The following CEP95 variants were observed in gnomAD, a reference collection of about 807,000 sequenced individuals.
CEP95 encodes the protein centrosomal protein of 95 kDa.
CEP95 carries 98 observed loss-of-function variants against 111.2 expected under a neutral mutation model. The ratio of observed to expected loss-of-function variants is 0.88; its 90% CI spans 0.75 to 1.04. The LOEUF is 1.04. CEP95 is among the 50% of genes least tolerant of loss of function. The pLI, the probability that CEP95 is intolerant of heterozygous loss-of-function variation, is 0.00. For synonymous variants in CEP95, 323 were observed against 327.1 expected, an observed-to-expected ratio of 0.99 and a Z score of 0.14; for missense variants, 1,027 against 977.2, an observed-to-expected ratio of 1.05 and a Z score of -0.68.
chr17:64,516,544 C>T (rs559882646), intron 4 of CEP95, among the ~76,000 whole-genome samples, 179 bp from the exon 5 acceptor site: 1 of 152,138 alleles, frequency 6.6e-6, no homozygotes, highest in Non-Finnish European at 1.5e-5. Context: ...CTTTGTTACT[C>T]GAATAATACA....
intron 14 of CEP95, 50 bp downstream of exon 14, chr17:64,532,072 C>T (rs781990482): frequency 6.7e-7 from 1 of 1,489,888 alleles, no homozygotes; most frequent in African/African-American, 1.4e-5. Context: ...CCTTTGAAAG[C>T]ATGTGCAACA....
At chr17:64,523,910 A>G (rs77806161) in intron 8 of CEP95, among the ~76,000 whole-genome samples, 7,513 of 152,308 alleles carry the variant, frequency 0.049, 293 homozygotes, top group Admixed American at 0.13. Flanking sequence ...AAAAAATAAA[A>G]TAAGAAAAAC....
At chr17:64,522,953 T>G in intron 8 of CEP95, 58 bp downstream of exon 8, 2 of 1,346,716 alleles carry the variant, frequency 1.5e-6, no homozygotes, top group Non-Finnish European at 2.1e-6. Context: ...TATGTCTGTG[T>G]GTGTGTTGGT....
intron 18 of CEP95, 109 bp from the exon 19 acceptor site, chr17:64,536,932 A>AT: frequency 8.1e-7 from 1 of 1,232,652 alleles, no homozygotes; most frequent in South Asian, 1.5e-5. Flanking sequence ...AGTACAGTAT[A>AT]TTTCCCTATT....
Position 64,516,764 on chromosome 17 carries a change from C to A in CEP95, c.409C>A (p.Arg137Ser). 6.2e-7 allele frequency: 1 copy of A among 1,612,412 alleles called. No individual in the cohort carries two copies. The highest frequency in any genetic ancestry group is 8.5e-7 in the Non-Finnish European group (1 of 1,178,672). ...QYFKESDRGERLEEPESTKES... is the reference protein window; with the variant it reads ...QYFKESDRGESLEEPESTKES... ...TTTTAAAGAATCTGATCGAGGAGAA[C>A]GTTTGGAAGAGCCAGAAAGTACTAA... is the stretch of plus-strand genomic sequence containing the variant. Residue 137 changes from arginine (R) to serine (S), a missense_variant, in exon 5 of 20, where the codon CGT (arginine) becomes AGT (serine). Coordinates refer to ENST00000556440, the MANE Select transcript of CEP95 (RefSeq NM_138363.3).
intron 5 of CEP95, among the ~76,000 whole-genome samples, chr17:64,519,015 CAAAAT>C (rs546248443): frequency 1.1e-3 from 172 of 152,184 alleles, no homozygotes; most frequent in African/African-American, 3.7e-3. Context: ...TTTAAAGTAA[CAAAAT>C]AAGCGCAAAA....
At chr17:64,532,738 A>G (rs1555680560) in intron 14 of CEP95, 101 bp from the exon 15 acceptor site, 1 of 1,475,858 alleles carries the variant, frequency 6.8e-7, no homozygotes, top group African/African-American at 1.4e-5. Flanking sequence ...TCTTTTCAGG[A>G]TCAAAACCAC....
intron 8 of CEP95, among the ~76,000 whole-genome samples, chr17:64,523,566 C>CAA (rs543447385): frequency 0.056 from 7,838 of 139,894 alleles, 329 homozygotes; most frequent in African/African-American, 0.13. Flanking sequence ...GACTTCATCT[C>CAA]AAAAAAAAAA....
chr17:64,507,529 C>T lies in CEP95; in HGVS notation c.19+413C>T, dbSNP rs1259042074. 17 of 1,110,514 alleles carry T rather than the reference C, an allele frequency of 1.5e-5. No individual in the cohort carries two copies. The Admixed American group carries it at 5.2e-4, about 34-fold the overall frequency. The allele number at this position is 1,110,514 out of a possible 1,614,324, so 68.8% of individuals were successfully genotyped here. A position where few individuals can be genotyped will look rare whatever the true frequency, so the allele number is the denominator to read the frequency against. ...ACAGCATTCTTAAGATTTATTATGC[C>T]CCTGCAGAATAGTAGAATATGCCCC... On this transcript the variant is annotated intron_variant, in intron 1 of 19. Transcript: ENST00000556440.
chr17:64,534,836 C>CA (rs1462749711), intron 17 of CEP95, 99 bp downstream of exon 17: 16 of 1,420,466 alleles, frequency 1.1e-5, no homozygotes, highest in African/African-American at 8.5e-5. Flanking sequence ...AATTTGAATC[C>CA]AAAATCTAAA....
intron 5 of CEP95, among the ~76,000 whole-genome samples, chr17:64,518,178 C>G (rs781803510): frequency 9.9e-5 from 15 of 152,194 alleles, no homozygotes; most frequent in Non-Finnish European, 2.1e-4. Flanking sequence ...CGCCCAGCCT[C>G]AAGTTGTTAA....
chr17:64,526,661 T>C (rs541686684), intron 10 of CEP95, among the ~76,000 whole-genome samples: 3 of 152,304 alleles, frequency 2.0e-5, no homozygotes, highest in Admixed American at 6.5e-5. Context: ...TATACACCTT[T>C]TTAAAACTAA....
chr17:64,514,322 C>A lies in CEP95; in HGVS notation c.331C>A (p.Leu111Ile). 1 of 1,522,648 alleles carries A rather than the reference C, an allele frequency of 6.6e-7. No individual in the cohort carries two copies. Among genetic ancestry groups the A allele is most frequent in the Non-Finnish European group, 8.9e-7 (1 of 1,120,896 alleles). 94.3% of individuals were successfully genotyped at this position (1,522,648 alleles called of 1,614,324 possible). A position where few individuals can be genotyped will look rare whatever the true frequency, so the allele number is the denominator to read the frequency against. Residue 111 changes from leucine (L) to isoleucine (I), a missense_variant, in exon 4 of 20, where the codon CTT (leucine) becomes ATT (isoleucine). Transcript: ENST00000556440. ...LEIFDGLLEY[L>I]TERISETSHE... The stretch of plus-strand genomic sequence containing the variant: ...AATATTTGATGGTTTGTTGGAGTAT[C>A]TTACAGAACGCATCAGTGAAACATC...
At chr17:64,511,879 T>C (rs1222537253) in intron 3 of CEP95, among the ~76,000 whole-genome samples, 14 of 152,260 alleles carry the variant, frequency 9.2e-5, no homozygotes, top group African/African-American at 3.4e-4. Flanking sequence ...CACGTTCTTC[T>C]GCCATGGCTT....
Position 64,521,193 on chromosome 17 carries a change from C to T in CEP95, c.590-209C>T, listed in dbSNP as rs147147501. Among the ~76,000 whole-genome samples the T allele has an allele frequency of 2.5e-3, 374 of 152,164 alleles. 3 individuals carry two copies. The highest frequency in any genetic ancestry group is 8.6e-3 in the African/African-American group (355 of 41,488). On this transcript the variant is annotated intron_variant, in intron 6 of 19. Transcript: ENST00000556440. Reference sequence around the variant, plus strand: ...TGGAGGTTGCAGTGCAGCGAGATCACGCCATTGCACTGCAGCCTGGCGACA... The same window carrying T: ...TGGAGGTTGCAGTGCAGCGAGATCATGCCATTGCACTGCAGCCTGGCGACA...
chr17:64,537,338 C>G, intron 19 of CEP95: 1 of 1,405,334 alleles, frequency 7.1e-7, no homozygotes, highest in Non-Finnish European at 9.3e-7. Flanking sequence ...TGACACATGA[C>G]TAATTTACAT....
At chr17:64,532,355 C>T in intron 14 of CEP95, 1 of 1,090,086 alleles carries the variant, frequency 9.2e-7, no homozygotes, top group African/African-American at 1.6e-5. Flanking sequence ...TGCTCCAAGG[C>T]AAGCAGATGG....
intron 13 of CEP95, 66 bp from the exon 14 acceptor site, chr17:64,531,824 T>A: frequency 8.3e-7 from 1 of 1,210,890 alleles, no homozygotes; most frequent in Non-Finnish European, 1.1e-6. Context: ...TATGTAATAT[T>A]TAAGATGATG....
Position 64,532,986 on chromosome 17 carries a change from C to G in CEP95, c.1820C>G (p.Ser607Ter). ...LKKEACRENR[S>*]KKKLQDEIEE... ...AAAGAAGCATGTAGAGAAAATCGAT[C>G]AAAGAAGAAACTCCAAGATGAAGTA... Residue 607 changes from serine to a stop codon, truncating the protein, a stop_gained, in exon 15 of 20, where the codon TCA becomes TGA. Transcript: ENST00000556440. LOFTEE classifies it high-confidence loss of function. 1 of 1,611,820 alleles carries G rather than the reference C, an allele frequency of 6.2e-7. No individual in the cohort carries two copies. Among genetic ancestry groups the G allele is most frequent in the Non-Finnish European group, 8.5e-7 (1 of 1,179,394 alleles).
Sources: allele counts gnomAD v4.1 joint callset (sites outside exome capture counted in the v4.1 genomes callset), GRCh38; gene constraint gnomAD v4.1.1; transcripts MANE v1.5; gene names NCBI Gene and HGNC (gene_info 2026-07-23, HGNC 2026-07-21).